Variants in ZDHHC3 observed in about 807,000 individuals in gnomAD.
The protein encoded by ZDHHC3 is palmitoyltransferase ZDHHC3.
ZDHHC3 carries 9 observed loss-of-function variants against 30.6 expected under a neutral mutation model. The ratio of observed to expected loss-of-function variants is 0.29; its 90% CI spans 0.18 to 0.51. ZDHHC3 has a LOEUF of 0.51. Among genes scored for constraint, ZDHHC3 ranks in the 20% least tolerant of loss-of-function variants. ZDHHC3 has a pLI of 0.97. For synonymous variants in ZDHHC3, 136 were observed against 140.2 expected (o/e 0.97, Z 0.21); for missense variants, 246 against 384.2 (o/e 0.64, Z 3.01).
chr3:44,972,913 T>A (rs779761888), intron 1 of ZDHHC3, among the ~76,000 whole-genome samples: 4 of 152,242 alleles, frequency 2.6e-5, no homozygotes, highest in Non-Finnish European at 5.9e-5. Flanking sequence ...AATCTGGGTC[T>A]CCATGCATGC....
chr3:44,927,561 A>G (rs1575778641), intron 6 of ZDHHC3, among the ~76,000 whole-genome samples: 1 of 152,320 alleles, frequency 6.6e-6, no homozygotes, highest in South Asian at 2.1e-4. Flanking sequence ...GCCAGCCAGC[A>G]TGGCATGGCA....
chr3:44,927,459 T>C (rs111542536), intron 6 of ZDHHC3, among the ~76,000 whole-genome samples: 7 of 152,042 alleles, frequency 4.6e-5, no homozygotes, highest in South Asian at 4.2e-4. Context: ...ACTGAGAAGG[T>C]TGAATAGGAG....
In ZDHHC3 at chr3:44,918,242, G is replaced by C. The variant is rs1575742434; in HGVS notation, c.*8447C>G. The C allele has an allele frequency of 3.3e-6, 4 of 1,217,282 alleles. No individual in the cohort carries two copies. Among genetic ancestry groups the C allele is most frequent in the South Asian group, 2.9e-5 (2 of 68,482 alleles). The allele number at this position is 1,217,282 out of a possible 1,614,324, so 75.4% of individuals were successfully genotyped here. On this transcript the variant is annotated 3_prime_UTR_variant, in exon 7 of 7. Coordinates refer to ENST00000424952, the MANE Select transcript of ZDHHC3 (RefSeq NM_001135179.2). ...TATAGCATAGCAGTGGCGGGGGGGG[G>C]GGCGGGGTGTCCACGGCATGGGTAA...
At position 44,923,950 on chromosome 3, in the gene ZDHHC3, T is replaced by A. The variant is rs551860905; in HGVS notation, c.*2739A>T. 1.0e-6 allele frequency: 1 copy of A among 985,468 alleles called. No individual in the cohort carries two copies. The highest frequency in any genetic ancestry group is 1.2e-6 in the Non-Finnish European group (1 of 829,940). The allele number at this position is 985,468 out of a possible 1,614,324, so 61.0% of individuals were successfully genotyped here. A position where few individuals can be genotyped will look rare whatever the true frequency, so the allele number is the denominator to read the frequency against. ...TGCATAGATTATAGATTTGCTTGGATCTAAGCCTTTTGCATATTCAGTCTA... is the reference window on the plus strand; with the variant it reads ...TGCATAGATTATAGATTTGCTTGGAACTAAGCCTTTTGCATATTCAGTCTA... On this transcript the variant is annotated 3_prime_UTR_variant, in exon 7 of 7. Transcript: ENST00000424952.
chr3:44,924,483 A>G lies in ZDHHC3; in HGVS notation c.*2206T>C. 7.1e-6 allele frequency: 7 copies of G among 985,440 alleles called. No homozygotes were observed. Among genetic ancestry groups the G allele is most frequent in the Non-Finnish European group, 8.4e-6 (7 of 829,924 alleles). The allele number at this position is 985,440 out of a possible 1,614,324, so 61.0% of individuals were successfully genotyped here. A position where few individuals can be genotyped will look rare whatever the true frequency, so the allele number is the denominator to read the frequency against. On this transcript the variant is annotated 3_prime_UTR_variant, in exon 7 of 7. Transcript: ENST00000424952. ...AAAACCAGAGGCAGAATCCTATAGG[A>G]TATCTGAAGGAACCCCACTCTATTG...
At chr3:44,948,463 C>T (rs1274824127) in intron 2 of ZDHHC3, among the ~76,000 whole-genome samples, 2 of 152,122 alleles carry the variant, frequency 1.3e-5, no homozygotes, top group African/African-American at 4.8e-5. Context: ...ACAAGTCAAC[C>T]AACAACTCTC....
At chr3:44,960,728 T>C (rs1421431067) in intron 1 of ZDHHC3, among the ~76,000 whole-genome samples, 1 of 152,194 alleles carries the variant, frequency 6.6e-6, no homozygotes, top group Non-Finnish European at 1.5e-5. Flanking sequence ...TCTCTGTCTT[T>C]TGAGAACTCA....
intron 1 of ZDHHC3, among the ~76,000 whole-genome samples, chr3:44,961,140 C>T (rs1704442550): frequency 1.3e-5 from 2 of 152,232 alleles, no homozygotes; most frequent in African/African-American, 2.4e-5. Context: ...CGCCAGTAAT[C>T]CCAGCACTTT....
intron 2 of ZDHHC3, among the ~76,000 whole-genome samples, chr3:44,955,525 C>T (rs1312522251): frequency 1.3e-5 from 2 of 150,426 alleles, no homozygotes; most frequent in East Asian, 1.9e-4. Flanking sequence ...CAAAGTGATA[C>T]ACAATGCATA....
intron 2 of ZDHHC3, among the ~76,000 whole-genome samples, chr3:44,957,871 C>G (rs1704092552): frequency 6.6e-6 from 1 of 152,196 alleles, no homozygotes. Flanking sequence ...GCTTAGTAGA[C>G]AGTAAACTAT....
intron 2 of ZDHHC3, among the ~76,000 whole-genome samples, chr3:44,951,133 T>C (rs1186464942): frequency 6.6e-6 from 1 of 152,252 alleles, no homozygotes. Context: ...TTTCTCTTTG[T>C]ACTAAAGTAA....
chr3:44,933,984 A>C lies in ZDHHC3; in HGVS notation c.432T>G (p.Ser144Arg). 1 of 1,614,116 alleles carries C rather than the reference A, an allele frequency of 6.2e-7. No individual in the cohort carries two copies. The highest frequency in any genetic ancestry group is 8.5e-7 in the Non-Finnish European group (1 of 1,180,010). ...SIKPDRAHHCSVCKRCIRKMD... is the reference protein window; with the variant it reads ...SIKPDRAHHCRVCKRCIRKMD... ...TCTTCCGAATGCACCGCTTACAAAC[A>C]CTGAAACAGCCCACAGGTCAGACCT... Residue 144 changes from serine to arginine, a missense_variant and splice_region_variant, in exon 4 of 7, where the codon AGT becomes AGG. Physicochemically the swap from Ser to Arg is moderately radical, Grantham distance 110. Coordinates refer to ENST00000424952, the MANE Select transcript of ZDHHC3 (RefSeq NM_001135179.2).
rs1700310372 is a variant in ZDHHC3 at position 44,918,046 on chromosome 3, C to T, written c.*8643G>A. The T allele has an allele frequency of 1.5e-6, 2 of 1,305,324 alleles. No homozygotes were observed. The highest frequency in any genetic ancestry group is 2.0e-6 in the Non-Finnish European group (2 of 988,980). 80.9% of individuals were successfully genotyped at this position (1,305,324 alleles called of 1,614,324 possible). ...ACACGGTCTGGAGAAGGGGTTGAAC[C>T]AGTTCAGGGAGAAGTCCCCACCAAA... On this transcript the variant is annotated 3_prime_UTR_variant, in exon 7 of 7. Coordinates refer to ENST00000424952, the MANE Select transcript of ZDHHC3 (RefSeq NM_001135179.2).
At position 44,918,215 on chromosome 3, in the gene ZDHHC3, G is replaced by A. The variant is rs1700329929; in HGVS notation, c.*8474C>T. On this transcript the variant is annotated 3_prime_UTR_variant, in exon 7 of 7. Transcript: ENST00000424952. ...TGTACAGCTCACATAGACACCCCCA[G>A]CTATAGCATAGCAGTGGCGGGGGGG... is the stretch of plus-strand genomic sequence containing the variant. The A allele has an allele frequency of 4.1e-6, 5 of 1,224,204 alleles. No homozygotes were observed. The highest frequency in any genetic ancestry group is 5.5e-5 in the Admixed American group (2 of 36,344). 75.8% of individuals were successfully genotyped at this position (1,224,204 alleles called of 1,614,324 possible). A position where few individuals can be genotyped will look rare whatever the true frequency, so the allele number is the denominator to read the frequency against.
In ZDHHC3 at chr3:44,921,898, C is replaced by T. The variant is rs193191216; in HGVS notation, c.*4791G>A. ...CCTTATGTCCGTGTTAGAGCATGTG[C>T]GGCCCCTAGAAGGCTTTTAGCGAAC... On this transcript the variant is annotated 3_prime_UTR_variant, in exon 7 of 7. Transcript: ENST00000424952. 415 of 985,410 alleles carry T rather than the reference C, an allele frequency of 4.2e-4. No homozygotes were observed. In the Middle Eastern group the frequency reaches 0.015, roughly 35 times the overall value. 61.0% of individuals were successfully genotyped at this position (985,410 alleles called of 1,614,324 possible).
Position 44,936,654 on chromosome 3 carries a change from A to G in ZDHHC3, c.432-2670T>C, listed in dbSNP as rs563803618. On this transcript the variant is annotated intron_variant, in intron 3 of 6. Coordinates refer to ENST00000424952, the MANE Select transcript of ZDHHC3 (RefSeq NM_001135179.2). ...GACAGATTGACTAGAGATGTGGTAC[A>G]TATACACCATGGAATACTATGTGGC... Among the ~76,000 whole-genome samples, 15 of 152,330 alleles carry G rather than the reference A, an allele frequency of 9.8e-5. No homozygotes were observed. The South Asian group carries it at 3.1e-3, about 32-fold the overall frequency.
In ZDHHC3 at chr3:44,917,926, T is replaced by C; in HGVS notation, c.*8763A>G. The C allele has an allele frequency of 7.7e-7, 1 of 1,304,922 alleles. No individual in the cohort carries two copies. Among genetic ancestry groups the C allele is most frequent in the Non-Finnish European group, 1.0e-6 (1 of 988,962 alleles). 80.8% of individuals were successfully genotyped at this position (1,304,922 alleles called of 1,614,324 possible). ...ATCTGTCACCTCCACAGAGTCCTCG[T>C]CCTTTGTCTCCTCTGATGGATCCTC... On this transcript the variant is annotated 3_prime_UTR_variant, in exon 7 of 7. Transcript: ENST00000424952.
At chr3:44,968,412 A>C (rs1705136611) in intron 1 of ZDHHC3, among the ~76,000 whole-genome samples, 1 of 152,210 alleles carries the variant, frequency 6.6e-6, no homozygotes, top group Non-Finnish European at 1.5e-5. Flanking sequence ...TTCTTTAAAA[A>C]CAAGTCTGGG....
chr3:44,917,422 C>T lies in ZDHHC3; in HGVS notation c.*9267G>A, dbSNP rs1700253520. ...CTCCCCTGATGTCAGTGTCCCAACC[C>T]AGGTCCCCAAGGCAAGCCCTGCCCG... On this transcript the variant is annotated 3_prime_UTR_variant, in exon 7 of 7. Coordinates refer to ENST00000424952, the MANE Select transcript of ZDHHC3 (RefSeq NM_001135179.2). 5.7e-6 allele frequency: 1 copy of T among 174,562 alleles called. No individual in the cohort carries two copies. The allele number at this position is 174,562 out of a possible 1,614,324, so 10.8% of individuals were successfully genotyped here.
Sources: gnomAD v4.1 joint callset for allele counts (sites outside exome capture counted in the v4.1 genomes callset) on GRCh38, gnomAD v4.1.1 for gene constraint, MANE v1.5 for transcripts, NCBI Gene and HGNC (gene_info 2026-07-23, HGNC 2026-07-21) for gene names.